CNTNAP5: variants seen among roughly 807,000 people sequenced by gnomAD.
CNTNAP5 encodes contactin associated protein family member 5.
A neutral mutation model predicts 150.2 loss-of-function variants in CNTNAP5; 72 were observed. The ratio of observed to expected loss-of-function variants is 0.48; its 90% CI spans 0.40 to 0.58. CNTNAP5 has a LOEUF of 0.58. Ranked by LOEUF, CNTNAP5 falls within the 20% of genes least tolerant of loss-of-function variation. The pLI is 0.00. For synonymous variants in CNTNAP5, 672 were observed against 619.8 expected (o/e 1.08, Z -1.25); for missense variants, 1,636 against 1,626.2 (o/e 1.01, Z -0.10).
At chr2:124,638,500 G>GT (rs1243471494) in intron 12 of CNTNAP5, among the ~76,000 whole-genome samples, 1 of 152,048 alleles carries the variant, frequency 6.6e-6, no homozygotes, top group Non-Finnish European at 1.5e-5. Flanking sequence ...TCAATTTAAT[G>GT]TACAGCTAGG....
intron 17 of CNTNAP5, among the ~76,000 whole-genome samples, chr2:124,784,552 G>A (rs989207710): frequency 1.3e-5 from 2 of 152,168 alleles, no homozygotes; most frequent in African/African-American, 4.8e-5. Context: ...TTCTAGCTAG[G>A]CCAGCCAACT....
chr2:124,190,481 A>ACCCAAC (rs1277333760), intron 1 of CNTNAP5, among the ~76,000 whole-genome samples: 2 of 152,180 alleles, frequency 1.3e-5, no homozygotes, highest in East Asian at 3.9e-4. Flanking sequence ...TGCTTATTAG[A>ACCCAAC]CCAAGTCTCC....
intron 13 of CNTNAP5, among the ~76,000 whole-genome samples, chr2:124,714,915 C>T (rs1166484815): frequency 6.6e-6 from 1 of 152,060 alleles, no homozygotes; most frequent in Non-Finnish European, 1.5e-5. Flanking sequence ...GTAGAAAATA[C>T]TCTATTGATC....
intron 11 of CNTNAP5, among the ~76,000 whole-genome samples, chr2:124,608,824 A>G (rs914319664): frequency 1.3e-5 from 2 of 152,000 alleles, no homozygotes; most frequent in African/African-American, 4.8e-5. Flanking sequence ...ATGTGCCTGT[A>G]ATCTCAGCTA....
chr2:124,648,103 G>T, intron 13 of CNTNAP5, 145 bp downstream of exon 13: 1 of 685,164 alleles, frequency 1.5e-6, no homozygotes, highest in Non-Finnish European at 2.4e-6. Context: ...GAGGGGTCTG[G>T]TTATGTAGTA....
chr2:124,558,287 C>G (rs1377206309), intron 10 of CNTNAP5, among the ~76,000 whole-genome samples: 1 of 152,128 alleles, frequency 6.6e-6, no homozygotes, highest in Non-Finnish European at 1.5e-5. Flanking sequence ...TTGCTCACAT[C>G]TTGGATATAA....
chr2:124,610,814 C>T (rs1677362865), intron 12 of CNTNAP5, among the ~76,000 whole-genome samples: 1 of 152,056 alleles, frequency 6.6e-6, no homozygotes, highest in Non-Finnish European at 1.5e-5. Context: ...CAAAAATTAG[C>T]TGGGTGCGGT....
chr2:124,243,071 G>A (rs1057316895), intron 3 of CNTNAP5, among the ~76,000 whole-genome samples: 2 of 152,128 alleles, frequency 1.3e-5, no homozygotes, highest in South Asian at 2.1e-4. Context: ...TCACTGTGTG[G>A]GTGAAAGGCT....
At chr2:124,550,290 T>C (rs1412549974) in intron 10 of CNTNAP5, among the ~76,000 whole-genome samples, 1 of 152,178 alleles carries the variant, frequency 6.6e-6, no homozygotes, top group Non-Finnish European at 1.5e-5. Flanking sequence ...AGAATGACTC[T>C]CTACTGAAGT....
intron 1 of CNTNAP5, among the ~76,000 whole-genome samples, chr2:124,185,770 A>G (rs1685319400): frequency 6.6e-6 from 1 of 152,164 alleles, no homozygotes; most frequent in Non-Finnish European, 1.5e-5. Flanking sequence ...ATGAACCCTC[A>G]GGGTGTGAGT....
At chr2:124,644,456 C>G (rs1484761657) in intron 12 of CNTNAP5, among the ~76,000 whole-genome samples, 1 of 152,078 alleles carries the variant, frequency 6.6e-6, no homozygotes, top group Non-Finnish European at 1.5e-5. Flanking sequence ...ACTTTATTTT[C>G]TTTATTGCCA....
intron 1 of CNTNAP5, among the ~76,000 whole-genome samples, chr2:124,142,414 A>C (rs992328647): frequency 6.6e-6 from 1 of 151,988 alleles, no homozygotes. Context: ...AGCAAATCTA[A>C]AGAACAGAAA....
intron 2 of CNTNAP5, among the ~76,000 whole-genome samples, chr2:124,236,060 G>A (rs1686738858): frequency 1.3e-5 from 2 of 151,954 alleles, no homozygotes; most frequent in Admixed American, 6.6e-5. Flanking sequence ...CTGCTTCCCG[G>A]GTTCAAGTGA....
intron 5 of CNTNAP5, among the ~76,000 whole-genome samples, chr2:124,445,958 C>A (rs746060030): frequency 1.3e-5 from 2 of 151,958 alleles, no homozygotes; most frequent in Non-Finnish European, 2.9e-5. Context: ...GAGAAGGAGG[C>A]GGAGGGGGAA....
At chr2:124,115,451 T>G (rs1344881503) in intron 1 of CNTNAP5, among the ~76,000 whole-genome samples, 1 of 152,138 alleles carries the variant, frequency 6.6e-6, no homozygotes, top group East Asian at 1.9e-4. Context: ...CCTCAGTTTT[T>G]GGAAAACATT....
At chr2:124,161,450 T>C (rs1371340463) in intron 1 of CNTNAP5, among the ~76,000 whole-genome samples, 1 of 152,084 alleles carries the variant, frequency 6.6e-6, no homozygotes, top group East Asian at 1.9e-4. Context: ...GCATGGCCCA[T>C]GCAAACCCAA....
intron 14 of CNTNAP5, among the ~76,000 whole-genome samples, chr2:124,762,325 A>C (rs1041874520): frequency 6.6e-6 from 1 of 152,126 alleles, no homozygotes; most frequent in Non-Finnish European, 1.5e-5. Context: ...AGATGAATTA[A>C]TATGTTTTTC....
intron 3 of CNTNAP5, among the ~76,000 whole-genome samples, chr2:124,291,986 A>G (rs1688306613): frequency 6.6e-6 from 1 of 152,072 alleles, no homozygotes; most frequent in South Asian, 2.1e-4. Context: ...CTCATAAAAT[A>G]ATGAAGCTGT....
At chr2:124,043,967 T>C (rs28431400) in intron 1 of CNTNAP5, among the ~76,000 whole-genome samples, 2,654 of 152,350 alleles carry the variant, frequency 0.017, 79 homozygotes, top group African/African-American at 0.059. Context: ...CATGGGCCAG[T>C]TCTTGTCCTC....
Sources: allele counts gnomAD v4.1 joint callset (sites outside exome capture counted in the v4.1 genomes callset), GRCh38; gene constraint gnomAD v4.1.1; transcripts MANE v1.5; gene names NCBI Gene and HGNC (gene_info 2026-07-23, HGNC 2026-07-21).